The following PTPRD variants were observed in gnomAD, a reference collection of about 807,000 sequenced individuals.
PTPRD encodes receptor-type tyrosine-protein phosphatase delta.
PTPRD carries 34 observed loss-of-function variants against 214.5 expected under a neutral mutation model. The observed-to-expected ratio is 0.16, with a 90% confidence interval of 0.12 to 0.21. PTPRD has a LOEUF of 0.21. Ranked by LOEUF, PTPRD falls within the 10% of genes least tolerant of loss-of-function variation. The probability of loss-of-function intolerance (pLI) is 1.00; values close to 1 mark genes in which losing one functional copy is unlikely to be tolerated. For synonymous variants in PTPRD, 1,128 were observed against 845.7 expected, an observed-to-expected ratio of 1.33 and a Z score of -5.79; for missense variants, 2,545 against 2,398.7, an observed-to-expected ratio of 1.06 and a Z score of -1.27.
chr9:9,168,982 C>T (rs2130874773), intron 10 of PTPRD, among the ~76,000 whole-genome samples: 1 of 151,706 alleles, frequency 6.6e-6, no homozygotes, highest in East Asian at 1.9e-4. Flanking sequence ...CTTTTTATTT[C>T]ATGAAATTTC....
intron 45 of PTPRD, among the ~76,000 whole-genome samples, chr9:8,318,776 T>TATCA (rs1356999028): frequency 9.9e-5 from 15 of 152,032 alleles, no homozygotes; most frequent in African/African-American, 3.6e-4. Flanking sequence ...CGAAGAACAC[T>TATCA]ATCATATTGG....
chr9:9,879,317 C>G (rs116806378), intron 5 of PTPRD, among the ~76,000 whole-genome samples: 3,766 of 152,198 alleles, frequency 0.025, 59 homozygotes, highest in Middle Eastern at 0.044. Flanking sequence ...TGGCCTCTAT[C>G]CATGAAATGT....
At chr9:9,816,522 A>G (rs1353475023) in intron 5 of PTPRD, among the ~76,000 whole-genome samples, 1 of 152,070 alleles carries the variant, frequency 6.6e-6, no homozygotes, top group Admixed American at 6.6e-5. Flanking sequence ...TGAATAATAT[A>G]GTTGAATATA....
intron 2 of PTPRD, among the ~76,000 whole-genome samples, chr9:10,426,585 T>C (rs1341169984): frequency 6.6e-6 from 1 of 152,028 alleles, no homozygotes; most frequent in Non-Finnish European, 1.5e-5. Context: ...TTAAGGAAAC[T>C]GGATAAGATA....
intron 8 of PTPRD, among the ~76,000 whole-genome samples, chr9:9,501,435 A>G (rs1306880561): frequency 6.6e-6 from 1 of 151,954 alleles, no homozygotes; most frequent in African/African-American, 2.4e-5. Flanking sequence ...ACAATCATAT[A>G]TGTGTATGCA....
At chr9:9,536,812 T>G (rs2076607300) in intron 8 of PTPRD, among the ~76,000 whole-genome samples, 1 of 152,062 alleles carries the variant, frequency 6.6e-6, no homozygotes, top group Admixed American at 6.6e-5. Context: ...GGGAATCTGC[T>G]GAAGCTGTAT....
At chr9:8,632,270 A>G (rs2096277839) in intron 14 of PTPRD, among the ~76,000 whole-genome samples, 1 of 151,876 alleles carries the variant, frequency 6.6e-6, no homozygotes, top group South Asian at 2.1e-4. Flanking sequence ...TCCTTGAAAG[A>G]AACCAAGATG....
At chr9:9,503,030 A>G (rs1220339960) in intron 8 of PTPRD, among the ~76,000 whole-genome samples, 1 of 151,830 alleles carries the variant, frequency 6.6e-6, no homozygotes, top group East Asian at 1.9e-4. Flanking sequence ...GTTAAAATTC[A>G]TCAAATTGTG....
chr9:8,615,045 G>A (rs1361117), intron 14 of PTPRD, among the ~76,000 whole-genome samples: 14,259 of 152,104 alleles, frequency 0.094, 797 homozygotes, highest in East Asian at 0.18. Context: ...CTTTTTAGCT[G>A]TCTCTTTCAC....
At chr9:9,802,490 T>C (rs779672560) in intron 5 of PTPRD, among the ~76,000 whole-genome samples, 7 of 151,708 alleles carry the variant, frequency 4.6e-5, no homozygotes, top group Non-Finnish European at 1.0e-4. Flanking sequence ...AAATATGAAA[T>C]ATCTTGTTGT....
intron 3 of PTPRD, among the ~76,000 whole-genome samples, chr9:10,335,536 G>C (rs1004340269): frequency 2.0e-5 from 3 of 151,600 alleles, no homozygotes; most frequent in Non-Finnish European, 3.0e-5. Context: ...TCTTGGGTTT[G>C]ATGATGACAT....
chr9:8,892,181 G>A (rs1298893827), intron 11 of PTPRD, among the ~76,000 whole-genome samples: 1 of 152,060 alleles, frequency 6.6e-6, no homozygotes, highest in Non-Finnish European at 1.5e-5. Context: ...CTCCATCCAC[G>A]CTGCTTTTCC....
chr9:10,032,821 A>G (rs967958435), intron 4 of PTPRD, among the ~76,000 whole-genome samples: 2 of 151,984 alleles, frequency 1.3e-5, no homozygotes, highest in African/African-American at 2.4e-5. Flanking sequence ...ATCTTTTTAC[A>G]TTTCAACTGT....
intron 25 of PTPRD, among the ~76,000 whole-genome samples, chr9:8,499,445 G>A (rs1170932120): frequency 6.6e-6 from 1 of 152,144 alleles, no homozygotes; most frequent in Non-Finnish European, 1.5e-5. Flanking sequence ...AATCAGACTT[G>A]AGTGTCATTT....
intron 4 of PTPRD, among the ~76,000 whole-genome samples, chr9:10,017,432 A>G (rs1245448899): frequency 1.3e-5 from 2 of 151,890 alleles, no homozygotes; most frequent in African/African-American, 4.8e-5. Context: ...TCTTATTTTT[A>G]TTGGTATAAA....
intron 11 of PTPRD, among the ~76,000 whole-genome samples, chr9:8,892,738 T>A (rs1235971410): frequency 2.7e-5 from 4 of 150,374 alleles, no homozygotes; most frequent in Non-Finnish European, 5.9e-5. Context: ...TATATGTATG[T>A]ATATATATAG....
chr9:8,405,293 T>G (rs1299266341), intron 35 of PTPRD, among the ~76,000 whole-genome samples: 1 of 152,140 alleles, frequency 6.6e-6, no homozygotes, highest in Non-Finnish European at 1.5e-5. Flanking sequence ...TACAACCCAA[T>G]GCATATAAAT....
chr9:8,720,114 C>T (rs536876497), intron 12 of PTPRD, among the ~76,000 whole-genome samples: 1 of 152,334 alleles, frequency 6.6e-6, no homozygotes, highest in South Asian at 2.1e-4. Context: ...ACTCCACCTC[C>T]CATGTGGTCA....
intron 3 of PTPRD, among the ~76,000 whole-genome samples, chr9:10,285,887 C>A (rs2095334725): frequency 6.6e-6 from 1 of 151,934 alleles, no homozygotes; most frequent in African/African-American, 2.4e-5. Context: ...GGGATACAGG[C>A]GTGAGCTACT....
Sources: gnomAD v4.1 joint callset for allele counts (sites outside exome capture counted in the v4.1 genomes callset) on GRCh38, gnomAD v4.1.1 for gene constraint, MANE v1.5 for transcripts, NCBI Gene and HGNC (gene_info 2026-07-23, HGNC 2026-07-21) for gene names.